ACVR1: variants seen among roughly 807,000 people sequenced by gnomAD.
ACVR1 encodes the protein activin receptor type-1.
ACVR1 carries 38 observed loss-of-function variants against 57.1 expected under a neutral mutation model. That is an observed-to-expected ratio of 0.67 (90% CI 0.51 to 0.87). ACVR1 has a LOEUF of 0.87. ACVR1 is among the 40% of genes least tolerant of loss of function. The probability of loss-of-function intolerance (pLI) is 0.00; values close to 1 mark genes in which losing one functional copy is unlikely to be tolerated. For synonymous variants in ACVR1, 212 were observed against 228.1 expected (o/e 0.93, Z 0.63); for missense variants, 463 against 638.2 (o/e 0.73, Z 2.96).
intron 1 of ACVR1, among the ~76,000 whole-genome samples, chr2:157,830,717 A>G (rs1430117938): frequency 6.2e-5 from 9 of 145,584 alleles, no homozygotes; most frequent in African/African-American, 2.3e-4. Context: ...GTAAGAAGGG[A>G]GATGCTTTGT....
chr2:157,769,348 C>G (rs1373146534), intron 7 of ACVR1, among the ~76,000 whole-genome samples: 1 of 152,074 alleles, frequency 6.6e-6, no homozygotes, highest in Non-Finnish European at 1.5e-5. Context: ...AAGACAACTC[C>G]AAGTGGAGAG....
intron 3 of ACVR1, among the ~76,000 whole-genome samples, chr2:157,787,524 C>G (rs1686756059): frequency 6.6e-6 from 1 of 152,168 alleles, no homozygotes; most frequent in South Asian, 2.1e-4. Context: ...GTAGAATAAT[C>G]TGGAGGAACA....
chr2:157,740,168 G>C (rs1000440168), intron 9 of ACVR1, among the ~76,000 whole-genome samples: 5 of 148,296 alleles, frequency 3.4e-5, no homozygotes, highest in African/African-American at 5.1e-5. Context: ...CTGGGTGACA[G>C]AGTGAGATTC....
At chr2:157,761,160 C>G (rs1401877524) in intron 8 of ACVR1, 83 bp from the exon 9 acceptor site, 2 of 1,372,938 alleles carry the variant, frequency 1.5e-6, no homozygotes, top group East Asian at 4.9e-5. Flanking sequence ...CAACCCCAAT[C>G]AAAAGTGCCC....
chr2:157,799,637 C>T (rs1414117229), intron 2 of ACVR1, 137 bp from the exon 3 acceptor site: 22 of 686,440 alleles, frequency 3.2e-5, no homozygotes, highest in South Asian at 2.8e-4. Flanking sequence ...TTACTTCTTA[C>T]TACATTTAAA....
chr2:157,811,195 T>C (rs1241759693), intron 2 of ACVR1, among the ~76,000 whole-genome samples: 3 of 152,200 alleles, frequency 2.0e-5, no homozygotes, highest in African/African-American at 4.8e-5. Context: ...TTTCCTTGCA[T>C]AGAAGCTTCC....
chr2:157,755,578 A>C (rs555420265), intron 9 of ACVR1, among the ~76,000 whole-genome samples: 11 of 144,252 alleles, frequency 7.6e-5, no homozygotes, highest in East Asian at 6.1e-4. Flanking sequence ...CGTACCATAC[A>C]ATACAATACT....
chr2:157,804,369 A>AT (rs943926243), intron 2 of ACVR1, among the ~76,000 whole-genome samples: 4 of 152,090 alleles, frequency 2.6e-5, no homozygotes, highest in African/African-American at 9.7e-5. Context: ...GAAAGCTTTA[A>AT]TTTTTTTTAA....
intron 3 of ACVR1, 102 bp downstream of exon 3, chr2:157,799,325 A>G: frequency 1.3e-6 from 1 of 758,600 alleles, no homozygotes; most frequent in South Asian, 1.6e-5. Context: ...TATTATAAAA[A>G]GAGTGTTTTA....
chr2:157,799,320 TAA>T, intron 3 of ACVR1, 105 bp downstream of exon 3: 1 of 741,856 alleles, frequency 1.3e-6, no homozygotes, highest in Non-Finnish European at 2.4e-6. Context: ...ATATTTATTA[TAA>T]AAAGAGTGTT....
At chr2:157,786,139 T>C (rs971558699) in intron 3 of ACVR1, among the ~76,000 whole-genome samples, 1 of 152,214 alleles carries the variant, frequency 6.6e-6, no homozygotes, top group Non-Finnish European at 1.5e-5. Context: ...ACCTTACATG[T>C]TACTTCCTCA....
chr2:157,763,198 A>G (rs1038531213), intron 8 of ACVR1, among the ~76,000 whole-genome samples: 3 of 152,194 alleles, frequency 2.0e-5, no homozygotes, highest in African/African-American at 7.2e-5. Context: ...GATATGAAAA[A>G]CTGATTATGA....
At chr2:157,855,323 T>TATACACACAC (rs368753827) in intron 1 of ACVR1, among the ~76,000 whole-genome samples, 1 of 108,518 alleles carries the variant, frequency 9.2e-6, no homozygotes, top group Non-Finnish European at 1.7e-5. Context: ...TATATATATA[T>TATACACACAC]ACACACACAC....
intron 9 of ACVR1, among the ~76,000 whole-genome samples, chr2:157,751,647 G>T (rs1215561799): frequency 6.6e-6 from 1 of 152,170 alleles, no homozygotes; most frequent in Non-Finnish European, 1.5e-5. Flanking sequence ...GGCCTTTTGG[G>T]TTGTGTGGGA....
chr2:157,797,489 T>C (rs1393732541), intron 3 of ACVR1, among the ~76,000 whole-genome samples: 1 of 152,178 alleles, frequency 6.6e-6, no homozygotes, highest in Non-Finnish European at 1.5e-5. Context: ...TAAAATAAAG[T>C]GGGCACTGCT....
chr2:157,754,875 A>G (rs572004005), intron 9 of ACVR1, among the ~76,000 whole-genome samples: 1 of 152,296 alleles, frequency 6.6e-6, no homozygotes, highest in South Asian at 2.1e-4. Context: ...ACACTAGCTA[A>G]CCAAGTCCCA....
chr2:157,872,760 T>C (rs1163327896), intron 1 of ACVR1, among the ~76,000 whole-genome samples: 1 of 152,226 alleles, frequency 6.6e-6, no homozygotes, highest in Non-Finnish European at 1.5e-5. Flanking sequence ...TGGTTATGTG[T>C]TTAATTTTCT....
chr2:157,752,668 G>A (rs1021203466), intron 9 of ACVR1, among the ~76,000 whole-genome samples: 9 of 152,144 alleles, frequency 5.9e-5, no homozygotes, highest in African/African-American at 2.2e-4. Flanking sequence ...ACAATTATGA[G>A]CCAAGAATTT....
intron 1 of ACVR1, among the ~76,000 whole-genome samples, chr2:157,821,057 G>A (rs1346536594): frequency 1.3e-5 from 2 of 152,152 alleles, no homozygotes; most frequent in Non-Finnish European, 1.5e-5. Context: ...AACGTGAACT[G>A]GATACTTAAC....
Sources: allele counts gnomAD v4.1 joint callset (sites outside exome capture counted in the v4.1 genomes callset), GRCh38; gene constraint gnomAD v4.1.1; transcripts MANE v1.5; gene names NCBI Gene and HGNC (gene_info 2026-07-23, HGNC 2026-07-21).